EIF4E1B: variants seen among roughly 807,000 people sequenced by gnomAD.
EIF4E1B encodes eukaryotic translation initiation factor 4E type 1B.
Under a neutral mutation model 31.3 loss-of-function variants are expected in EIF4E1B, and 22 were observed. That is an observed-to-expected ratio of 0.70 (90% confidence interval 0.50 to 1.00). The LOEUF is 1.00. Ranked by LOEUF, EIF4E1B falls within the 50% of genes least tolerant of loss-of-function variation. The pLI is 0.00. For missense variants in EIF4E1B, 290 were observed against 311.6 expected, an observed-to-expected ratio of 0.93 and a Z score of 0.52; for synonymous variants, 126 against 120.2, an observed-to-expected ratio of 1.05 and a Z score of -0.31.
At chr5:176,641,031 C>T (rs1487017406) in intron 1 of EIF4E1B, among the ~76,000 whole-genome samples, 1 of 152,210 alleles carries the variant, frequency 6.6e-6, no homozygotes, top group East Asian at 1.9e-4. Flanking sequence ...GAAATACAAA[C>T]ATCCTGGGCC....
chr5:176,642,870 C>CCCCCCCGGGGG, intron 3 of EIF4E1B, 68 bp downstream of exon 3: 6 of 1,426,038 alleles, frequency 4.2e-6, no homozygotes, highest in East Asian at 2.6e-5. Flanking sequence ...CCCCCCGCCC[C>CCCCCCCGGGGG]AGGTGGGCGG....
In EIF4E1B at chr5:176,642,848, C is replaced by T. The variant is rs1342219858; in HGVS notation, c.15+46C>T. On this transcript the variant is annotated intron_variant, in intron 3 of 8. Transcript: ENST00000318682. Reference sequence around the variant, plus strand: ...ACCCCCAGTGCACCATGGCCCCGCCCTCTCCCCCCCCCCCCCCGCCCCAGG... The same window carrying T: ...ACCCCCAGTGCACCATGGCCCCGCCTTCTCCCCCCCCCCCCCCGCCCCAGG... 5 of 1,345,616 alleles carry T rather than the reference C, an allele frequency of 3.7e-6. 1 individual carries two copies. The highest frequency in any genetic ancestry group is 4.9e-6 in the Non-Finnish European group (5 of 1,028,806). 83.4% of individuals were successfully genotyped at this position (1,345,616 alleles called of 1,614,324 possible). A position where few individuals can be genotyped will look rare whatever the true frequency, so the allele number is the denominator to read the frequency against.
chr5:176,632,149 ATATAT>A (rs1760408415), intron 1 of EIF4E1B, among the ~76,000 whole-genome samples: 1 of 152,232 alleles, frequency 6.6e-6, no homozygotes, highest in African/African-American at 2.4e-5. Context: ...TGTGTCAAAT[ATATAT>A]TATATACTAA....
Position 176,642,644 on chromosome 5 carries a change from C to A in EIF4E1B, c.-78-66C>A, listed in dbSNP as rs1249696402. On this transcript the variant is annotated intron_variant, in intron 2 of 8. Coordinates refer to ENST00000318682, the MANE Select transcript of EIF4E1B (RefSeq NM_001099408.2). ...CCGTCCACCTCACATTCTGGGGTCA[C>A]CCTCCACGGGATGCAGACCTTGCTT... The A allele has an allele frequency of 3.0e-6, 4 of 1,354,512 alleles. No homozygotes were observed. The African/African-American group carries it at 5.8e-5, about 20-fold the overall frequency. 83.9% of individuals were successfully genotyped at this position (1,354,512 alleles called of 1,614,324 possible).
In EIF4E1B at chr5:176,644,392, C is replaced by T. The variant is rs1399585413; in HGVS notation, c.313C>T (p.Gln105Ter). 3.1e-6 allele frequency: 5 copies of T among 1,593,092 alleles called. No homozygotes were observed. Among genetic ancestry groups the T allele is most frequent in the East Asian group, 2.3e-5 (1 of 43,942 alleles). Residue 105 changes from glutamine to a stop codon, truncating the protein, a stop_gained, in exon 6 of 9, where the codon CAG becomes TAG. Transcript: ENST00000318682. LOFTEE classifies it high-confidence loss of function. ...EDFWALYSHI[Q>*]LASKLSSGCD... Reference sequence around the variant, plus strand: ...TCTGTCCAGGCTATACAGTCACATCCAGCTGGCCAGCAAGCTCTCCTCTGG... The same window carrying T: ...TCTGTCCAGGCTATACAGTCACATCTAGCTGGCCAGCAAGCTCTCCTCTGG...
chr5:176,644,433 C>A lies in EIF4E1B; in HGVS notation c.354C>A (p.Leu118=). 6.3e-7 allele frequency: 1 copy of A among 1,595,110 alleles called. No individual in the cohort carries two copies. The highest frequency in any genetic ancestry group is 2.3e-5 in the East Asian group (1 of 44,014). The change falls in exon 6 of 9, where the codon CTC becomes CTA. Residue 118 remains leucine, a synonymous_variant. Transcript: ENST00000318682. ...SKLSSGCDYA[L]FKDGIQPMWE... ...TCTCCTCTGGCTGTGACTACGCCCT[C>A]TTCAAGGTAAGCTCTGCTCTCCTCT...
chr5:176,642,678 A>G (rs1407217459), intron 2 of EIF4E1B, 32 bp from the exon 3 acceptor site: 1 of 1,503,548 alleles, frequency 6.7e-7, no homozygotes, highest in Non-Finnish European at 9.0e-7. Context: ...TTTCCCTTCG[A>G]GCAGGCTCCA....
At chr5:176,635,886 G>A (rs1186904581) in intron 1 of EIF4E1B, among the ~76,000 whole-genome samples, 1 of 151,722 alleles carries the variant, frequency 6.6e-6, no homozygotes, top group Non-Finnish European at 1.5e-5. Context: ...GTGTAATCTC[G>A]GCTCACTGCA....
At chr5:176,643,016 AG>A in intron 3 of EIF4E1B, 65 bp from the exon 4 acceptor site, 1 of 1,542,442 alleles carries the variant, frequency 6.5e-7, no homozygotes, top group Non-Finnish European at 8.8e-7. Flanking sequence ...GGGGATGGGC[AG>A]GGTGGGCACA....
intron 6 of EIF4E1B, 52 bp downstream of exon 6, chr5:176,644,491 C>T: frequency 6.5e-7 from 1 of 1,538,756 alleles, no homozygotes; most frequent in Non-Finnish European, 8.8e-7. Flanking sequence ...GGGTTGATCC[C>T]TCCCGGACTC....
Position 176,645,962 on chromosome 5 carries a change from G to A in EIF4E1B, c.711G>A (p.Lys237=). The A allele has an allele frequency of 6.2e-7, 1 of 1,607,706 alleles. No homozygotes were observed. Among genetic ancestry groups the A allele is most frequent in the South Asian group, 1.1e-5 (1 of 89,824 alleles). Residue 237 remains lysine (K), a synonymous_variant, in exon 9 of 9, where the codon AAG becomes AAA. Coordinates refer to ENST00000318682, the MANE Select transcript of EIF4E1B (RefSeq NM_001099408.2). This position sits in a 1 kb window ranked among gnomAD's most constrained non-coding sequence, Gnocchi z 5.4. ...DTATKSNSLA[K]NKFVV is the part of the protein sequence containing the mutation. ...CCACCAAGAGCAACTCCCTAGCCAA[G>A]AACAAGTTTGTGGTGTGAGGGGGGC...
At chr5:176,642,430 G>A (rs1246100077) in intron 2 of EIF4E1B, among the ~76,000 whole-genome samples, 2 of 152,228 alleles carry the variant, frequency 1.3e-5, no homozygotes, top group Non-Finnish European at 2.9e-5. Context: ...TTGAGCCCAG[G>A]AGTTGCCTGG....
At position 176,643,188 on chromosome 5, in the gene EIF4E1B, C is replaced by T. The variant is rs756406076; in HGVS notation, c.122C>T (p.Thr41Ile). 3 of 1,613,634 alleles carry T rather than the reference C, an allele frequency of 1.9e-6. No homozygotes were observed. Among genetic ancestry groups the T allele is most frequent in the Non-Finnish European group, 2.5e-6 (3 of 1,179,894 alleles). ...GAAAAGTCTCCAAACTCTCCCAGGA[C>T]TTTGCTGTCTCTGAGAGGGAAGGCC... ...TGEKSPNSPR[T>I]LLSLRGKART... The change falls in exon 4 of 9, where the codon ACT (threonine) becomes ATT (isoleucine). Residue 41 changes from threonine (T) to isoleucine (I), a missense_variant. Physicochemically the swap from Thr to Ile is moderately conservative, Grantham distance 89. Coordinates refer to ENST00000318682, the MANE Select transcript of EIF4E1B (RefSeq NM_001099408.2).
At chr5:176,639,020 C>T (rs997520950) in intron 1 of EIF4E1B, among the ~76,000 whole-genome samples, 2 of 152,170 alleles carry the variant, frequency 1.3e-5, no homozygotes, top group African/African-American at 2.4e-5. Context: ...AGGCTACTCT[C>T]GAACTCCTGA....
intron 1 of EIF4E1B, among the ~76,000 whole-genome samples, chr5:176,631,649 CAA>C (rs202095726): frequency 9.5e-4 from 95 of 99,734 alleles, no homozygotes; most frequent in Admixed American, 9.3e-4. Flanking sequence ...AGCCAGACTG[CAA>C]AAAAAAAAAA....
chr5:176,642,176 A>AGGTAAGGTGGGGGCTGTG lies in EIF4E1B; in HGVS notation c.-79+14_-79+31dup, dbSNP rs1173991048. On this transcript the variant is annotated intron_variant, in intron 2 of 8. Coordinates refer to ENST00000318682, the MANE Select transcript of EIF4E1B (RefSeq NM_001099408.2). ...GCAGAGAACACTCAGGTGGGGCAGG[A>AGGTAAGGTGGGGGCTGTG]GGTAAGGTGGGGGCTGTGGGGAGCC... The AGGTAAGGTGGGGGCTGTG allele has an allele frequency of 3.3e-5, 5 of 152,710 alleles. No homozygotes were observed. The highest frequency in any genetic ancestry group is 7.3e-5 in the Non-Finnish European group (5 of 68,210). The allele number at this position is 152,710 out of a possible 1,614,324, so 9.5% of individuals were successfully genotyped here. A position where few individuals can be genotyped will look rare whatever the true frequency, so the allele number is the denominator to read the frequency against.
rs79835148 is a variant in EIF4E1B, at chr5:176,640,548, A to C, written c.-201-1495A>C. Among the ~76,000 whole-genome samples the C allele has an allele frequency of 8.2e-3, 1,251 of 152,282 alleles. 18 individuals are homozygous for C. The highest frequency in any genetic ancestry group is 0.026 in the African/African-American group (1,075 of 41,564). ...CTTCTACATACCCCTTGAGTCTATT[A>C]TCATCTCTCCATCTTCTCTGCCGCC... is the stretch of plus-strand genomic sequence containing the variant. On this transcript the variant is annotated intron_variant, in intron 1 of 8. Transcript: ENST00000318682.
intron 3 of EIF4E1B, 131 bp downstream of exon 3, chr5:176,642,933 G>T: frequency 6.7e-7 from 1 of 1,486,524 alleles, no homozygotes. Context: ...CAGATGCTGG[G>T]TCCTCCATGG....
chr5:176,644,235 G>A (rs1760650992), intron 5 of EIF4E1B, 141 bp from the exon 6 acceptor site: 5 of 818,082 alleles, frequency 6.1e-6, no homozygotes, highest in African/African-American at 1.7e-5. Context: ...ATAAACGGGA[G>A]TGGAATCCCA....
Sources: allele counts gnomAD v4.1 joint callset (sites outside exome capture counted in the v4.1 genomes callset), GRCh38; gene constraint gnomAD v4.1.1; non-coding constraint Gnocchi (gnomAD v3.1); transcripts MANE v1.5; gene names NCBI Gene and HGNC (gene_info 2026-07-23, HGNC 2026-07-21).